CHST3: variants seen among roughly 807,000 people sequenced by gnomAD.
CHST3 encodes C6ST-1.
A neutral mutation model predicts 35.4 loss-of-function variants in CHST3; 20 were observed. The observed-to-expected ratio is 0.57, with a 90% confidence interval of 0.40 to 0.82. The LOEUF is 0.82. Ranked by LOEUF, CHST3 falls within the 40% of genes least tolerant of loss-of-function variation. CHST3 has a pLI of 0.00. For synonymous variants in CHST3, 334 were observed against 295.9 expected (o/e 1.13, Z -1.32); for missense variants, 693 against 670.1 (o/e 1.03, Z -0.38).
Position 72,008,482 on chromosome 10 carries a change from GC to G in CHST3, c.*15del, listed in dbSNP as rs750878420. 2.0e-6 allele frequency: 3 copies of G among 1,503,756 alleles called. No homozygotes were observed. In the South Asian group the frequency reaches 3.9e-5, roughly 20 times the overall value. 93.2% of individuals were successfully genotyped at this position (1,503,756 alleles called of 1,614,324 possible). On this transcript the variant is annotated 3_prime_UTR_variant, in exon 3 of 3. Transcript: ENST00000373115. ...TTCTGGGTCACGTAGGGGGGCCGGG[GC>G]CCCGTATGCCCCTCCTCGTGAAAGG...
intron 1 of CHST3, among the ~76,000 whole-genome samples, chr10:71,998,680 C>G (rs1229373918): frequency 6.6e-6 from 1 of 152,208 alleles, no homozygotes; most frequent in Non-Finnish European, 1.5e-5. Context: ...GGCCCTTAGC[C>G]CCAAGATCCA....
intron 1 of CHST3, 58 bp downstream of exon 1, chr10:71,964,752 CG>C (rs1166914664): frequency 5.3e-5 from 8 of 152,162 alleles, no homozygotes; most frequent in Non-Finnish European, 1.2e-4. Context: ...GCCGCCCAGC[CG>C]GGAGCCCCCG....
intron 1 of CHST3, among the ~76,000 whole-genome samples, chr10:71,985,672 T>C (rs1193280859): frequency 6.6e-6 from 1 of 152,236 alleles, no homozygotes; most frequent in Admixed American, 6.5e-5. Flanking sequence ...TTCTTTTTTT[T>C]CCTTTTCATT....
At chr10:72,005,700 C>T (rs1840031416) in intron 1 of CHST3, 36 bp from the exon 2 acceptor site, 2 of 987,246 alleles carry the variant, frequency 2.0e-6, no homozygotes, top group Non-Finnish European at 3.1e-6. Context: ...TCCTCGTGTA[C>T]AGACAAGGGT....
intron 1 of CHST3, among the ~76,000 whole-genome samples, chr10:71,986,765 C>T (rs1459380441): frequency 6.6e-6 from 1 of 152,218 alleles, no homozygotes. Flanking sequence ...AGTGTCCCTC[C>T]CCTGCAGCCC....
chr10:71,990,685 T>G (rs1325394699), intron 1 of CHST3, among the ~76,000 whole-genome samples: 1 of 152,102 alleles, frequency 6.6e-6, no homozygotes, highest in African/African-American at 2.4e-5. Context: ...ACTAATCCCA[T>G]TCATGAGGGC....
intron 1 of CHST3, among the ~76,000 whole-genome samples, chr10:72,004,618 T>C (rs1009878977): frequency 6.6e-6 from 1 of 152,234 alleles, no homozygotes; most frequent in African/African-American, 2.4e-5. Flanking sequence ...TCTCTCCACC[T>C]ACCTGTCCAC....
chr10:71,988,676 T>C (rs1407385084), intron 1 of CHST3, among the ~76,000 whole-genome samples: 1 of 152,188 alleles, frequency 6.6e-6, no homozygotes, highest in Non-Finnish European at 1.5e-5. Flanking sequence ...TCTTTATAAA[T>C]TACCCAGTCT....
At chr10:72,004,469 C>T (rs1234193864) in intron 1 of CHST3, among the ~76,000 whole-genome samples, 1 of 152,074 alleles carries the variant, frequency 6.6e-6, no homozygotes, top group Non-Finnish European at 1.5e-5. Context: ...AGGCTGAGGC[C>T]ATGTTAAGGA....
intron 1 of CHST3, among the ~76,000 whole-genome samples, chr10:71,997,682 A>ATTT (rs35366073): frequency 0.095 from 12,906 of 135,286 alleles, 703 homozygotes; most frequent in Admixed American, 0.14. Flanking sequence ...GTCTCCATAA[A>ATTT]TTTTTTTTTT....
intron 1 of CHST3, among the ~76,000 whole-genome samples, chr10:71,967,220 G>A (rs958094417): frequency 6.6e-6 from 1 of 152,082 alleles, no homozygotes; most frequent in Non-Finnish European, 1.5e-5. Context: ...TCAAACTCTG[G>A]AGCTCTAGCG....
At chr10:71,990,819 A>C (rs144668833) in intron 1 of CHST3, among the ~76,000 whole-genome samples, 1 of 152,252 alleles carries the variant, frequency 6.6e-6, no homozygotes, top group Non-Finnish European at 1.5e-5. Context: ...AAGAGTATGC[A>C]TATTTAAAAC....
chr10:71,976,088 T>C (rs890354513), intron 1 of CHST3, among the ~76,000 whole-genome samples: 1 of 152,224 alleles, frequency 6.6e-6, no homozygotes, highest in Non-Finnish European at 1.5e-5. Flanking sequence ...TGTTCGGGGC[T>C]TGCACTTCTG....
chr10:71,997,341 G>A (rs952493692), intron 1 of CHST3, among the ~76,000 whole-genome samples: 4 of 152,102 alleles, frequency 2.6e-5, no homozygotes, highest in South Asian at 2.1e-4. Flanking sequence ...CTCACCAAGC[G>A]TGATGTCCTC....
At chr10:71,996,882 G>T (rs772371366) in intron 1 of CHST3, among the ~76,000 whole-genome samples, 8 of 152,020 alleles carry the variant, frequency 5.3e-5, no homozygotes, top group African/African-American at 1.9e-4. Flanking sequence ...ATTGCTGGGG[G>T]TATTTTCCTG....
chr10:72,002,991 A>C (rs1840007841), intron 1 of CHST3, among the ~76,000 whole-genome samples: 2 of 152,222 alleles, frequency 1.3e-5, no homozygotes. Context: ...CCCAAGGTAC[A>C]CCAAGAAGCT....
rs1470021214 is a variant in CHST3, at chr10:72,008,274, T to C, written c.1243T>C (p.Tyr415His). The change falls in exon 3 of 3, where the codon TAC (tyrosine) becomes CAC (histidine). Residue 415 changes from tyrosine (Y) to histidine (H), a missense_variant. By Grantham distance (83) the Tyr-to-His change is moderately conservative. Transcript: ENST00000373115. ...GGCGGCCCACGACGGCAGCGGCATCTACTCCACGCAGAAGAACTCCTCGGA... is the reference window on the plus strand; with the variant it reads ...GGCGGCCCACGACGGCAGCGGCATCCACTCCACGCAGAAGAACTCCTCGGA... ...TQAAHDGSGI[Y>H]STQKNSSEQF... 1 of 1,584,536 alleles carries C rather than the reference T, an allele frequency of 6.3e-7. No individual in the cohort carries two copies. Among genetic ancestry groups the C allele is most frequent in the Non-Finnish European group, 8.6e-7 (1 of 1,166,016 alleles).
At chr10:72,001,178 G>A (rs1839989660) in intron 1 of CHST3, among the ~76,000 whole-genome samples, 1 of 152,178 alleles carries the variant, frequency 6.6e-6, no homozygotes, top group Non-Finnish European at 1.5e-5. Flanking sequence ...GGCACGTGGT[G>A]TGCACTCACC....
chr10:71,996,446 C>T (rs948483644), intron 1 of CHST3, among the ~76,000 whole-genome samples: 1 of 110,364 alleles, frequency 9.1e-6, no homozygotes, highest in Non-Finnish European at 1.9e-5. Context: ...ACGTATGTGT[C>T]TCTGCGTGTG....
Sources: allele counts gnomAD v4.1 joint callset (sites outside exome capture counted in the v4.1 genomes callset), GRCh38; gene constraint gnomAD v4.1.1; transcripts MANE v1.5; gene names NCBI Gene and HGNC (gene_info 2026-07-23, HGNC 2026-07-21).